ZNF106: variants seen among roughly 807,000 people sequenced by gnomAD.
The protein encoded by ZNF106 is zinc finger protein 106.
ZNF106 carries 67 observed loss-of-function variants against 195.1 expected under a neutral mutation model. That is an observed-to-expected ratio of 0.34 (90% CI 0.28 to 0.42). The LOEUF (loss-of-function observed/expected upper bound fraction) is 0.42. Ranked by LOEUF, ZNF106 falls within the 10% of genes least tolerant of loss-of-function variation. The pLI is 1.00. For synonymous variants in ZNF106, 784 were observed against 818.6 expected (o/e 0.96, Z 0.72); for missense variants, 2,118 against 2,304.5 (o/e 0.92, Z 1.66).
chr15:42,478,170 A>G (rs756715755), intron 1 of ZNF106, among the ~76,000 whole-genome samples: 1 of 151,570 alleles, frequency 6.6e-6, no homozygotes, highest in Non-Finnish European at 1.5e-5. Flanking sequence ...ATTGTTATTT[A>G]TTTTATTTTT....
intron 9 of ZNF106, 147 bp downstream of exon 9, chr15:42,444,055 T>A (rs113604848): frequency 0.064 from 32,980 of 515,038 alleles, 1,631 homozygotes; most frequent in South Asian, 0.14. Context: ...GAGGTTGCAG[T>A]GAGCAGAGAT....
chr15:42,465,683 A>G (rs574339086), intron 3 of ZNF106, among the ~76,000 whole-genome samples: 5 of 152,348 alleles, frequency 3.3e-5, no homozygotes, highest in African/African-American at 7.2e-5. Flanking sequence ...CAGCAATACT[A>G]AACGTTTATG....
intron 12 of ZNF106, 121 bp from the exon 13 acceptor site, chr15:42,437,498 C>T: frequency 3.5e-6 from 4 of 1,137,142 alleles, no homozygotes; most frequent in Non-Finnish European, 4.9e-6. Flanking sequence ...TCCCTTAAAT[C>T]TTAGTTCCCC....
rs888642919 is a variant in ZNF106, at chr15:42,416,255, T to C, written c.*1049A>G. 6 of 152,174 alleles carry C rather than the reference T, an allele frequency of 3.9e-5. No homozygotes were observed. Among genetic ancestry groups the C allele is most frequent in the Admixed American group, 6.5e-5 (1 of 15,276 alleles). The allele number at this position is 152,174 out of a possible 1,614,324, so 9.4% of individuals were successfully genotyped here. On this transcript the variant is annotated 3_prime_UTR_variant, in exon 22 of 22. Coordinates refer to ENST00000564754, the MANE Select transcript of ZNF106 (RefSeq NM_001366845.3). Reference sequence around the variant, plus strand: ...AGAAACAAGTCTCTAGGAAGTCTGCTTGAGGTCCTGAAAACTGTATTCAGA... The same window carrying C: ...AGAAACAAGTCTCTAGGAAGTCTGCCTGAGGTCCTGAAAACTGTATTCAGA...
intron 1 of ZNF106, among the ~76,000 whole-genome samples, chr15:42,478,212 G>GT (rs1401421727): frequency 2.3e-4 from 35 of 152,242 alleles, no homozygotes; most frequent in African/African-American, 8.2e-4. Flanking sequence ...TGTCCAGGCT[G>GT]GAATGCAATG....
At chr15:42,464,146 T>A (rs2056458518) in intron 3 of ZNF106, among the ~76,000 whole-genome samples, 1 of 151,906 alleles carries the variant, frequency 6.6e-6, no homozygotes, top group African/African-American at 2.4e-5. Context: ...TCAAGATCAG[T>A]CTGACCAACA....
rs763474587 is a variant in ZNF106 at position 42,450,875 on chromosome 15, G to A, written c.1397C>T (p.Thr466Ile). ...PTAEKPEQEH[T>I]PNKMPSLKSP... ...TTTCAATGATGGCATTTTATTTGGTGTATGCTCTTGTTCAGGTTTTTCTGC... is the reference window on the plus strand; with the variant it reads ...TTTCAATGATGGCATTTTATTTGGTATATGCTCTTGTTCAGGTTTTTCTGC... The change falls in exon 5 of 22, where the codon ACA becomes ATA. Residue 466 changes from threonine to isoleucine, a missense_variant. Coordinates refer to ENST00000564754, the MANE Select transcript of ZNF106 (RefSeq NM_001366845.3). The A allele has an allele frequency of 1.2e-6, 2 of 1,614,202 alleles. No individual in the cohort carries two copies. The highest frequency in any genetic ancestry group is 1.3e-5 in the African/African-American group (1 of 75,054).
chr15:42,440,606 A>G (rs559310776), intron 10 of ZNF106, among the ~76,000 whole-genome samples: 62 of 152,236 alleles, frequency 4.1e-4, no homozygotes, highest in African/African-American at 1.4e-3. Context: ...GTAATACGAA[A>G]AATAATAGTA....
At chr15:42,459,312 C>T (rs2141384642) in intron 3 of ZNF106, among the ~76,000 whole-genome samples, 1 of 152,004 alleles carries the variant, frequency 6.6e-6, no homozygotes, top group East Asian at 1.9e-4. Context: ...CCCGTCTCTA[C>T]TAAAAATACA....
chr15:42,468,025 T>TTATC (rs1331968649), intron 2 of ZNF106, among the ~76,000 whole-genome samples: 2 of 151,924 alleles, frequency 1.3e-5, no homozygotes, highest in East Asian at 3.9e-4. Flanking sequence ...TTACTTAAAG[T>TTATC]TATCTACTAT....
chr15:42,439,596 A>G lies in ZNF106; in HGVS notation c.3981T>C (p.Ser1327=). 1 of 1,614,164 alleles carries G rather than the reference A, an allele frequency of 6.2e-7. No individual in the cohort carries two copies. The change falls in exon 11 of 22, where the codon TCT becomes TCC. Residue 1327 remains serine (S), a synonymous_variant. Transcript: ENST00000564754. ...TTAGAAAAGAACTGGTACAGGCTTC[A>G]GACCCACTATTGCCTTTGGTTGGCT... ...GEEPTKGNSG[S]EACTSSFLRL...
chr15:42,470,569 A>G (rs911155341), intron 2 of ZNF106, among the ~76,000 whole-genome samples: 3 of 152,220 alleles, frequency 2.0e-5, no homozygotes, highest in African/African-American at 7.2e-5. Context: ...GGGCAGGAGT[A>G]GATAATTCCA....
intron 4 of ZNF106, 54 bp from the exon 5 acceptor site, chr15:42,452,008 T>C (rs1019090621): frequency 1.9e-6 from 3 of 1,547,232 alleles, no homozygotes; most frequent in South Asian, 1.3e-5. Flanking sequence ...TATGCTACCT[T>C]GAAAGGCATA....
Position 42,439,013 on chromosome 15 carries a change from G to T in ZNF106, c.4544+20C>A. 1 of 1,592,490 alleles carries T rather than the reference G, an allele frequency of 6.3e-7. No homozygotes were observed. Among genetic ancestry groups the T allele is most frequent in the African/African-American group, 1.4e-5 (1 of 73,890 alleles). On this transcript the variant is annotated intron_variant, in intron 11 of 21. Coordinates refer to ENST00000564754, the MANE Select transcript of ZNF106 (RefSeq NM_001366845.3). ...AAGTTGGTGAAAGTTGTTCTGACTG[G>T]ACCAATACAATATTCTTACCTTACA... is the stretch of plus-strand genomic sequence containing the variant.
chr15:42,463,952 A>C (rs1288241160), intron 3 of ZNF106, among the ~76,000 whole-genome samples: 1 of 152,240 alleles, frequency 6.6e-6, no homozygotes, highest in Middle Eastern at 3.2e-3. Flanking sequence ...AGAGATGCTG[A>C]AAGTTTAATA....
At position 42,451,592 on chromosome 15, in the gene ZNF106, C is replaced by T. The variant is rs1465979090; in HGVS notation, c.680G>A (p.Ser227Asn). 1 of 1,614,194 alleles carries T rather than the reference C, an allele frequency of 6.2e-7. No individual in the cohort carries two copies. The highest frequency in any genetic ancestry group is 2.2e-5 in the East Asian group (1 of 44,884). Residue 227 changes from serine to asparagine, a missense_variant, in exon 5 of 22, where the codon AGT becomes AAT. Physicochemically the swap from Ser to Asn is conservative, Grantham distance 46. Coordinates refer to ENST00000564754, the MANE Select transcript of ZNF106 (RefSeq NM_001366845.3). ...GCCACCTGTTCCTTCAGAAAGCCAA[C>T]TGGAATTCCTTCCTGTACCATTATG... is the stretch of plus-strand genomic sequence containing the variant. ...WNHNGTGRNS[S>N]WLSEGTGGFS...
intron 1 of ZNF106, among the ~76,000 whole-genome samples, chr15:42,484,165 C>T (rs2056961726): frequency 6.6e-6 from 1 of 152,172 alleles, no homozygotes; most frequent in Non-Finnish European, 1.5e-5. Flanking sequence ...TGTCACCATA[C>T]AATTTTTTCT....
At chr15:42,418,184 A>T (rs2054523945) in intron 20 of ZNF106, among the ~76,000 whole-genome samples, 1 of 152,240 alleles carries the variant, frequency 6.6e-6, no homozygotes, top group Non-Finnish European at 1.5e-5. Context: ...GCACAGCACT[A>T]ACGTAGCAAT....
At chr15:42,476,212 C>T (rs965675536) in intron 1 of ZNF106, among the ~76,000 whole-genome samples, 3 of 152,086 alleles carry the variant, frequency 2.0e-5, no homozygotes, top group Non-Finnish European at 2.9e-5. Context: ...AGTATTTAAA[C>T]CCTGAGGTGA....
Sources: allele counts gnomAD v4.1 joint callset (sites outside exome capture counted in the v4.1 genomes callset), GRCh38; gene constraint gnomAD v4.1.1; transcripts MANE v1.5; gene names NCBI Gene and HGNC (gene_info 2026-07-23, HGNC 2026-07-21).